Variants in E2F7 observed in about 807,000 individuals in gnomAD.
The protein encoded by E2F7 is E2F transcription factor 7.
E2F7 carries 35 observed loss-of-function variants against 81.1 expected under a neutral mutation model. The observed-to-expected ratio is 0.43, with a 90% CI of 0.33 to 0.57. E2F7 has a LOEUF of 0.57. Ranked by LOEUF, E2F7 falls within the 20% of genes least tolerant of loss-of-function variation. E2F7 has a pLI of 0.04. For synonymous variants in E2F7, 416 were observed against 416.2 expected (o/e 1.00, Z 0.01); for missense variants, 961 against 1,093.7 (o/e 0.88, Z 1.71).
intron 9 of E2F7, among the ~76,000 whole-genome samples, chr12:77,032,345 A>C (rs1954814120): frequency 6.6e-6 from 1 of 152,242 alleles, no homozygotes; most frequent in African/African-American, 2.4e-5. Context: ...CTGTTTGGAC[A>C]AACCATGACA....
At chr12:77,032,311 T>G (rs1954813931) in intron 9 of E2F7, among the ~76,000 whole-genome samples, 1 of 152,234 alleles carries the variant, frequency 6.6e-6, no homozygotes. Flanking sequence ...CCTCTTTTGC[T>G]GAATGATTTT....
At chr12:77,024,314 A>G in intron 12 of E2F7, 129 bp from the exon 13 acceptor site, 1 of 995,548 alleles carries the variant, frequency 1.0e-6, no homozygotes, top group Non-Finnish European at 1.4e-6. Context: ...TTGCTTTCTT[A>G]TCACACTTAC....
intron 4 of E2F7, among the ~76,000 whole-genome samples, chr12:77,049,913 G>T (rs1254916612): frequency 6.6e-6 from 1 of 152,054 alleles, no homozygotes; most frequent in African/African-American, 2.4e-5. Context: ...CTTATTTAAC[G>T]AGTGTCAACA....
At chr12:77,048,325 T>C (rs889319854) in intron 4 of E2F7, among the ~76,000 whole-genome samples, 3 of 152,250 alleles carry the variant, frequency 2.0e-5, no homozygotes, top group African/African-American at 7.2e-5. Context: ...GAGGTCATTC[T>C]ATTAATCCCA....
At chr12:77,054,054 T>TA (rs1565910538) in intron 3 of E2F7, among the ~76,000 whole-genome samples, 1 of 151,976 alleles carries the variant, frequency 6.6e-6, no homozygotes, top group East Asian at 1.9e-4. Context: ...AAGGGAACAA[T>TA]AGACACCAGG....
At chr12:77,039,744 T>C (rs1954880649) in intron 7 of E2F7, among the ~76,000 whole-genome samples, 1 of 152,208 alleles carries the variant, frequency 6.6e-6, no homozygotes, top group African/African-American at 2.4e-5. Context: ...GGAAAACAGT[T>C]TGGAAGTTTC....
rs202071819 is a variant in E2F7, at chr12:77,025,762, G to A, written c.2361C>T (p.Gly787=). 6.2e-7 allele frequency: 1 copy of A among 1,614,144 alleles called. No individual in the cohort carries two copies. Among genetic ancestry groups the A allele is most frequent in the Admixed American group, 1.7e-5 (1 of 60,016 alleles). ...CGAGAAGCTGGGCTATTGATCCAAG[G>A]CCAGGCAAGCTGAAATTCACAGGTC... is the stretch of plus-strand genomic sequence containing the variant. ...NTGPVNFSLP[G]LGSIAQLLVG... is the part of the protein sequence containing the mutation. The change falls in exon 12 of 13, where the codon GGC becomes GGT. Residue 787 remains glycine, a synonymous_variant. Coordinates refer to ENST00000322886, the MANE Select transcript of E2F7 (RefSeq NM_203394.3).
intron 7 of E2F7, among the ~76,000 whole-genome samples, chr12:77,037,044 C>T (rs1050205489): frequency 7.9e-5 from 12 of 152,262 alleles, no homozygotes; most frequent in African/African-American, 1.7e-4. Flanking sequence ...CCACCGCGCC[C>T]GGCCCAACCT....
rs760282892 is a variant in E2F7 at position 77,025,942 on chromosome 12, G to A, written c.2181C>T (p.Thr727=). The change falls in exon 12 of 13, where the codon ACC becomes ACT. Residue 727 remains threonine (T), a synonymous_variant. Coordinates refer to ENST00000322886, the MANE Select transcript of E2F7 (RefSeq NM_203394.3). ...GFNVLLSGSQ[T]PPTVGPSSGQ... is the part of the protein sequence containing the mutation. ...CTGAGGACGGGCCCACAGTAGGGGG[G>A]GTTTGACTGCCAGATAAAAGTACAT... The A allele has an allele frequency of 3.8e-5, 61 of 1,612,626 alleles. No individual in the cohort carries two copies. Among genetic ancestry groups the A allele is most frequent in the Non-Finnish European group, 5.0e-5 (59 of 1,179,444 alleles).
At chr12:77,030,901 A>T (rs1292539895) in intron 9 of E2F7, among the ~76,000 whole-genome samples, 1 of 152,142 alleles carries the variant, frequency 6.6e-6, no homozygotes, top group Non-Finnish European at 1.5e-5. Flanking sequence ...ACTTTGATTT[A>T]AAAAAAGATT....
intron 10 of E2F7, among the ~76,000 whole-genome samples, chr12:77,028,502 C>T (rs1954777827): frequency 6.6e-6 from 1 of 151,050 alleles, no homozygotes; most frequent in Admixed American, 6.6e-5. Context: ...GAGTCTCGCT[C>T]TGTCACCCAG....
chr12:77,060,676 G>T (rs1031899408), intron 2 of E2F7, among the ~76,000 whole-genome samples: 1 of 152,096 alleles, frequency 6.6e-6, no homozygotes. Flanking sequence ...CCTCTTTAAT[G>T]CCACTGGCTT....
Position 77,025,823 on chromosome 12 carries a change from G to A in E2F7, c.2300C>T (p.Pro767Leu), listed in dbSNP as rs760440252. The A allele has an allele frequency of 1.4e-5, 22 of 1,613,906 alleles. No homozygotes were observed. Among genetic ancestry groups the A allele is most frequent in the Middle Eastern group, 1.6e-4 (1 of 6,084 alleles). The change falls in exon 12 of 13, where the codon CCG becomes CTG. Residue 767 changes from proline (P) to leucine (L), a missense_variant. Pro to Leu is a moderately conservative substitution (Grantham distance 98, BLOSUM62 -3). Around this residue, in one of 3 missense-constraint regions of E2F7, gnomAD observed 587 missense variants for 620.3 expected, o/e 0.95. Transcript: ENST00000322886. ...PVLYSPAMPG[P>L]VSSTLGALPN... ...GAGAGCACCAAGAGTAGAAGAAACCGGGCCCGGCATTGCAGGAGAATAGAG... is the reference window on the plus strand; with the variant it reads ...GAGAGCACCAAGAGTAGAAGAAACCAGGCCCGGCATTGCAGGAGAATAGAG...
chr12:77,052,203 T>A lies in E2F7; in HGVS notation c.370-1459A>T, dbSNP rs963011456. 2.6e-5 allele frequency among the ~76,000 whole-genome samples: 4 copies of A among 152,200 alleles called. No individual in the cohort carries two copies. In the East Asian group the frequency reaches 7.7e-4, roughly 29 times the overall value. Reference sequence around the variant, plus strand: ...AAACTCAGTATCTTAAAGAGGTTAATTTTTAATCTCTAGATTAAATGCAAT... The same window carrying A: ...AAACTCAGTATCTTAAAGAGGTTAAATTTTAATCTCTAGATTAAATGCAAT... On this transcript the variant is annotated intron_variant, in intron 3 of 12. Coordinates refer to ENST00000322886, the MANE Select transcript of E2F7 (RefSeq NM_203394.3).
In E2F7 at chr12:77,040,118, A is replaced by G. The variant is rs1044347958; in HGVS notation, c.1123+2947T>C. On this transcript the variant is annotated intron_variant, in intron 7 of 12. Transcript: ENST00000322886. Reference sequence around the variant, plus strand: ...AGGTTCCTGTGAGCCTCTGGTTACAATATTTTCATAAGCTGATCAATATAT... The same window carrying G: ...AGGTTCCTGTGAGCCTCTGGTTACAGTATTTTCATAAGCTGATCAATATAT... Among the ~76,000 whole-genome samples the G allele has an allele frequency of 9.2e-5, 14 of 152,326 alleles. No individual in the cohort carries two copies. In the East Asian group the frequency reaches 2.5e-3, roughly 27 times the overall value.
intron 4 of E2F7, among the ~76,000 whole-genome samples, chr12:77,047,952 A>G (rs1954956910): frequency 6.6e-6 from 1 of 152,210 alleles, no homozygotes; most frequent in Non-Finnish European, 1.5e-5. Flanking sequence ...CTGACACCCC[A>G]GGGCCAGCCA....
chr12:77,055,909 C>T lies in E2F7; in HGVS notation c.315G>A (p.Lys105=), dbSNP rs765255669. Residue 105 remains lysine, a synonymous_variant, in exon 3 of 13, where the codon AAG becomes AAA. Coordinates refer to ENST00000322886, the MANE Select transcript of E2F7 (RefSeq NM_203394.3). The part of the protein sequence containing the change: ...SPDIRDREKK[K]GLFRPIENKD... ...TGTTTTCAATGGGTCGGAATAGTCC[C>T]TTTTTCTTCTCCCGGTCCCTTATAT... 6 of 1,614,036 alleles carry T rather than the reference C, an allele frequency of 3.7e-6. No homozygotes were observed. The highest frequency in any genetic ancestry group is 5.1e-6 in the Non-Finnish European group (6 of 1,179,980).
Position 77,055,918 on chromosome 12 carries a change from C to T in E2F7, c.306G>A (p.Glu102=), listed in dbSNP as rs750454500. 1.2e-6 allele frequency: 2 copies of T among 1,613,820 alleles called. No individual in the cohort carries two copies. The highest frequency in any genetic ancestry group is 1.7e-6 in the Non-Finnish European group (2 of 1,179,904). Reference sequence around the variant, plus strand: ...TGGGTCGGAATAGTCCCTTTTTCTTCTCCCGGTCCCTTATATCTGGGCTGG... The same window carrying T: ...TGGGTCGGAATAGTCCCTTTTTCTTTTCCCGGTCCCTTATATCTGGGCTGG... ...SAASPDIRDR[E]KKKGLFRPIE... The change falls in exon 3 of 13, where the codon GAG becomes GAA. Residue 102 remains glutamate, a synonymous_variant. Coordinates refer to ENST00000322886, the MANE Select transcript of E2F7 (RefSeq NM_203394.3).
intron 7 of E2F7, among the ~76,000 whole-genome samples, chr12:77,035,913 A>AGG (rs1351368871): frequency 1.4e-5 from 2 of 144,706 alleles, no homozygotes; most frequent in East Asian, 2.7e-4. Flanking sequence ...AAAAAAATAC[A>AGG]GTGGGGGGAT....
Sources: allele counts gnomAD v4.1 joint callset (sites outside exome capture counted in the v4.1 genomes callset), GRCh38; gene constraint gnomAD v4.1.1; regional missense constraint gnomAD v4.1.1; transcripts MANE v1.5; gene names NCBI Gene and HGNC (gene_info 2026-07-23, HGNC 2026-07-21).